SEC11A: variants seen among roughly 807,000 people sequenced by gnomAD.
SEC11A encodes the protein SEC11 homolog A, signal peptidase complex subunit.
SEC11A carries 14 observed loss-of-function variants against 25.6 expected under a neutral mutation model. That is an observed-to-expected ratio of 0.55 (90% CI 0.36 to 0.85). SEC11A has a LOEUF of 0.85. Among genes scored for constraint, SEC11A ranks in the 40% least tolerant of loss-of-function variants. The pLI is 0.01. For missense variants in SEC11A, 153 were observed against 222.9 expected (o/e 0.69, Z 2.00); for synonymous variants, 83 against 76.4 (o/e 1.09, Z -0.45).
At chr15:84,700,527 G>A (rs528594332) in intron 1 of SEC11A, among the ~76,000 whole-genome samples, 1 of 136,524 alleles carries the variant, frequency 7.3e-6, no homozygotes, top group South Asian at 2.4e-4. Context: ...CCAGGAGGTG[G>A]AGGTTGCAGT....
intron 1 of SEC11A, among the ~76,000 whole-genome samples, chr15:84,701,069 A>G (rs562219252): frequency 1.3e-5 from 2 of 151,338 alleles, no homozygotes; most frequent in African/African-American, 2.4e-5. Context: ...AACAGCAGAC[A>G]GGTGAAAATA....
rs139185825 is a variant in SEC11A at position 84,716,022 on chromosome 15, C to T, written c.51+3G>A. Reference sequence around the variant, plus strand: ...AGGAGAAAAAGAGGACGGACAAGCTCACCTGCCGCTTGTTCATCCGCCGCA... The same window carrying T: ...AGGAGAAAAAGAGGACGGACAAGCTTACCTGCCGCTTGTTCATCCGCCGCA... On this transcript the variant is annotated splice_donor_region_variant and intron_variant, in intron 1 of 5. Coordinates refer to ENST00000268220, the MANE Select transcript of SEC11A (RefSeq NM_014300.4). The T allele has an allele frequency of 1.5e-3, 2,370 of 1,613,208 alleles. 13 individuals carry two copies. In the African/African-American group the frequency reaches 0.021, roughly 14 times the overall value.
At chr15:84,696,320 T>C (rs1262858090) in intron 1 of SEC11A, among the ~76,000 whole-genome samples, 2 of 152,190 alleles carry the variant, frequency 1.3e-5, no homozygotes, top group African/African-American at 2.4e-5. Flanking sequence ...ATGGGTCTTC[T>C]TATTCTGAAG....
intron 4 of SEC11A, among the ~76,000 whole-genome samples, chr15:84,680,131 C>T (rs1287208550): frequency 6.6e-6 from 1 of 150,436 alleles, no homozygotes; most frequent in African/African-American, 2.5e-5. Context: ...ATAACGCCAT[C>T]TCTACTAAAA....
At chr15:84,690,653 T>C (rs1465613784) in intron 2 of SEC11A, among the ~76,000 whole-genome samples, 1 of 151,770 alleles carries the variant, frequency 6.6e-6, no homozygotes, top group Admixed American at 6.6e-5. Context: ...AGTGCAAAGA[T>C]AGGGAAGGAA....
chr15:84,702,295 T>TCATGAGGGA (rs1897970776), intron 1 of SEC11A, among the ~76,000 whole-genome samples: 2 of 147,340 alleles, frequency 1.4e-5, no homozygotes, highest in Admixed American at 1.4e-4. Flanking sequence ...ACCCCATCTC[T>TCATGAGGGA]ACTAAAAATA....
chr15:84,673,081 T>G, intron 4 of SEC11A: 1 of 174,884 alleles, frequency 5.7e-6, no homozygotes, highest in Non-Finnish European at 1.2e-5. Context: ...CCACCCCGTC[T>G]GGGAAGTGAG....
At chr15:84,711,940 C>CAATT (rs1187019238) in intron 1 of SEC11A, among the ~76,000 whole-genome samples, 1 of 151,990 alleles carries the variant, frequency 6.6e-6, no homozygotes, top group Non-Finnish European at 1.5e-5. Context: ...TGTTAAAAAT[C>CAATT]AATTAATTTA....
intron 1 of SEC11A, among the ~76,000 whole-genome samples, chr15:84,696,083 G>A (rs749798877): frequency 6.6e-6 from 1 of 152,040 alleles, no homozygotes; most frequent in Non-Finnish European, 1.5e-5. Flanking sequence ...CATTTTCGCC[G>A]AGACAATTAG....
At chr15:84,685,184 T>C (rs1295746127) in intron 3 of SEC11A, among the ~76,000 whole-genome samples, 2 of 152,200 alleles carry the variant, frequency 1.3e-5, no homozygotes, top group Non-Finnish European at 2.9e-5. Flanking sequence ...TTCCAATTAA[T>C]ATATTCTCTG....
At chr15:84,679,398 A>G (rs1238642831) in intron 4 of SEC11A, 12 of 387,772 alleles carry the variant, frequency 3.1e-5, no homozygotes, top group Non-Finnish European at 5.9e-5. Context: ...GCAAAGCACA[A>G]TGATACCTGT....
At chr15:84,678,579 AT>A (rs1897200915) in intron 4 of SEC11A, among the ~76,000 whole-genome samples, 1 of 152,250 alleles carries the variant, frequency 6.6e-6, no homozygotes, top group Non-Finnish European at 1.5e-5. Flanking sequence ...AAATGATGAT[AT>A]GATGATAAAT....
At chr15:84,708,903 A>G (rs1898180235) in intron 1 of SEC11A, among the ~76,000 whole-genome samples, 1 of 152,184 alleles carries the variant, frequency 6.6e-6, no homozygotes, top group Admixed American at 6.6e-5. Context: ...AAAAGAATGA[A>G]GGATCCTATT....
intron 4 of SEC11A, among the ~76,000 whole-genome samples, chr15:84,677,284 A>G (rs1163172833): frequency 6.6e-6 from 1 of 152,076 alleles, no homozygotes; most frequent in Non-Finnish European, 1.5e-5. Flanking sequence ...ATGGAAAGTA[A>G]ATTTATATAG....
chr15:84,690,035 A>C (rs1188771490), intron 2 of SEC11A, among the ~76,000 whole-genome samples: 1 of 152,292 alleles, frequency 6.6e-6, no homozygotes, highest in East Asian at 1.9e-4. Context: ...TTGGGAGGCC[A>C]AGGTGGGAGG....
chr15:84,692,942 C>G (rs752147878), intron 1 of SEC11A, among the ~76,000 whole-genome samples: 4 of 152,032 alleles, frequency 2.6e-5, no homozygotes, highest in Non-Finnish European at 4.4e-5. Flanking sequence ...AACTCCTGGG[C>G]TCAAGCAATC....
At chr15:84,675,486 T>C (rs911205165) in intron 4 of SEC11A, among the ~76,000 whole-genome samples, 5 of 152,302 alleles carry the variant, frequency 3.3e-5, no homozygotes, top group South Asian at 2.1e-4. Context: ...AGCAACTAAA[T>C]GAGAGAGTAA....
intron 1 of SEC11A, among the ~76,000 whole-genome samples, chr15:84,693,267 C>T (rs745848391): frequency 1.8e-4 from 28 of 151,734 alleles, no homozygotes; most frequent in Non-Finnish European, 3.7e-4. Flanking sequence ...CCAAATGTAA[C>T]GCACAAACTT....
chr15:84,674,865 C>A (rs1249333382), intron 4 of SEC11A, among the ~76,000 whole-genome samples: 1 of 152,024 alleles, frequency 6.6e-6, no homozygotes, highest in Non-Finnish European at 1.5e-5. Flanking sequence ...CAACCTGAAA[C>A]TTTTTTTTAA....
Sources: allele counts gnomAD v4.1 joint callset (sites outside exome capture counted in the v4.1 genomes callset), GRCh38; gene constraint gnomAD v4.1.1; transcripts MANE v1.5; gene names NCBI Gene and HGNC (gene_info 2026-07-23, HGNC 2026-07-21).